Variants in SYNPR observed in about 807,000 individuals in gnomAD.
SYNPR encodes the protein synaptoporin.
SYNPR carries 23 observed loss-of-function variants against 32.9 expected under a neutral mutation model. The observed-to-expected ratio is 0.70, with a 90% CI of 0.50 to 0.99. The LOEUF is 0.99. Ranked by LOEUF, SYNPR falls within the 50% of genes least tolerant of loss-of-function variation. SYNPR has a pLI of 0.00. For synonymous variants in SYNPR, 146 were observed against 135.9 expected (o/e 1.07, Z -0.52); for missense variants, 318 against 349.3 (o/e 0.91, Z 0.71).
intron 2 of SYNPR, among the ~76,000 whole-genome samples, chr3:63,455,818 A>G (rs1700472414): frequency 6.8e-6 from 1 of 147,978 alleles, no homozygotes; most frequent in African/African-American, 2.6e-5. Context: ...GTCAAATGTC[A>G]ACTGCTTTAT....
chr3:63,218,689 A>G, the SYNPR span, among the ~76,000 whole-genome samples: 1 of 152,190 alleles, frequency 6.6e-6, no homozygotes, highest in Admixed American at 6.5e-5. Flanking sequence ...CTGGGATTAC[A>G]GGTGTGTGCC....
At chr3:63,586,095 A>G (rs1703179128) in intron 4 of SYNPR, among the ~76,000 whole-genome samples, 2 of 152,076 alleles carry the variant, frequency 1.3e-5, no homozygotes. Context: ...ATGGTAAAGC[A>G]CAGGATAATT....
At chr3:63,322,319 G>A (rs571859722) in intron 2 of SYNPR, among the ~76,000 whole-genome samples, 2 of 152,214 alleles carry the variant, frequency 1.3e-5, no homozygotes, top group African/African-American at 2.4e-5. Context: ...TGTGGACTAG[G>A]TACTGTGCTA....
intron 3 of SYNPR, among the ~76,000 whole-genome samples, chr3:63,496,390 T>C (rs1361979224): frequency 6.6e-6 from 1 of 152,138 alleles, no homozygotes; most frequent in Non-Finnish European, 1.5e-5. Context: ...TATACTATAA[T>C]TTCTTGTATG....
intron 2 of SYNPR, among the ~76,000 whole-genome samples, chr3:63,428,060 G>C (rs1403913953): frequency 6.6e-6 from 1 of 151,866 alleles, no homozygotes; most frequent in Non-Finnish European, 1.5e-5. Flanking sequence ...CCTTATCTTT[G>C]AACCAACAAT....
At chr3:63,251,996 T>C (rs2086336125) in intron 1 of SYNPR, among the ~76,000 whole-genome samples, 1 of 151,988 alleles carries the variant, frequency 6.6e-6, no homozygotes, top group South Asian at 2.1e-4. Context: ...AGATAGTCTC[T>C]ATCAATTTAA....
rs1247257982 is a variant in SYNPR, at chr3:63,484,803, C to T, written c.209+3847C>T. On this transcript the variant is annotated intron_variant, in intron 3 of 5. Transcript: ENST00000478300. ...TAAAATTTTGTGATTTGAATAAAAACAAGAAGAAAGCAAAGTTCAGACTGT... is the reference window on the plus strand; with the variant it reads ...TAAAATTTTGTGATTTGAATAAAAATAAGAAGAAAGCAAAGTTCAGACTGT... Among the ~76,000 whole-genome samples, 5 of 152,014 alleles carry T rather than the reference C, an allele frequency of 3.3e-5. No individual in the cohort carries two copies. In the East Asian group the frequency reaches 9.6e-4, roughly 29 times the overall value.
rs1320976642 is a variant in SYNPR at position 63,278,658 on chromosome 3, T to G, written c.19-19T>G. On this transcript the variant is annotated intron_variant, in intron 1 of 5. Transcript: ENST00000478300. The stretch of plus-strand genomic sequence containing the variant: ...TTCCTCACGCTTTGCTTTCTCTCTC[T>G]CGCCTCATTCCCCCAAAGCTGGCCT... 1.3e-6 allele frequency: 2 copies of G among 1,551,470 alleles called. No homozygotes were observed. The highest frequency in any genetic ancestry group is 1.7e-6 in the Non-Finnish European group (2 of 1,146,922).
chr3:63,540,430 C>T (rs957924330), intron 3 of SYNPR, among the ~76,000 whole-genome samples: 1 of 151,990 alleles, frequency 6.6e-6, no homozygotes, highest in African/African-American at 2.4e-5. Context: ...AAACAAGGTC[C>T]TCAAAGTTGG....
At chr3:63,253,491 T>C (rs1411399461) in intron 2 of SYNPR, among the ~76,000 whole-genome samples, 1 of 152,242 alleles carries the variant, frequency 6.6e-6, no homozygotes, top group Non-Finnish European at 1.5e-5. Context: ...AACTGATTTA[T>C]AGCAGCATTC....
At chr3:63,237,336 C>T (rs887510689) in intron 1 of SYNPR, among the ~76,000 whole-genome samples, 2 of 151,976 alleles carry the variant, frequency 1.3e-5, no homozygotes, top group African/African-American at 2.4e-5. Context: ...ACTCTACCAC[C>T]GAGGCCAACC....
chr3:63,356,907 G>T (rs984188594), intron 2 of SYNPR, among the ~76,000 whole-genome samples: 1 of 152,188 alleles, frequency 6.6e-6, no homozygotes, highest in Non-Finnish European at 1.5e-5. Context: ...AGTTAAGCAG[G>T]CTGGCTCTAG....
At chr3:63,221,183 T>C in the SYNPR span, among the ~76,000 whole-genome samples, 1 of 152,162 alleles carries the variant, frequency 6.6e-6, no homozygotes, top group Non-Finnish European at 1.5e-5. Context: ...TTTAGTGTTC[T>C]AAGTGGAGGG....
chr3:63,488,449 A>G (rs1701197069), intron 3 of SYNPR, among the ~76,000 whole-genome samples: 1 of 152,200 alleles, frequency 6.6e-6, no homozygotes, highest in Non-Finnish European at 1.5e-5. Flanking sequence ...TCTCTAGCCA[A>G]ATCCAAACTC....
rs114613416 is a variant in SYNPR, at chr3:63,313,162, G to T, written c.84+34420G>T. 6.1e-3 allele frequency among the ~76,000 whole-genome samples: 931 copies of T among 152,094 alleles called. 13 individuals carry two copies. Among genetic ancestry groups the T allele is most frequent in the African/African-American group, 0.02 (836 of 41,524 alleles). ...TTATTGAAAGAATGAATAAATGAAT[G>T]AGTATCTTCCTAACTCAAGTGGCCA... is the stretch of plus-strand genomic sequence containing the variant. On this transcript the variant is annotated intron_variant, in intron 2 of 5. Coordinates refer to ENST00000478300, the MANE Select transcript of SYNPR (RefSeq NM_001130003.2).
chr3:63,355,276 CAA>C (rs34592172), intron 2 of SYNPR, among the ~76,000 whole-genome samples: 26 of 93,752 alleles, frequency 2.8e-4, no homozygotes, highest in African/African-American at 3.0e-4. Context: ...GAGACCCTGT[CAA>C]AAAAAAAAAA....
At chr3:63,473,551 A>G (rs1224482977) in intron 2 of SYNPR, among the ~76,000 whole-genome samples, 1 of 152,256 alleles carries the variant, frequency 6.6e-6, no homozygotes, top group Non-Finnish European at 1.5e-5. Context: ...GCATAAGCAA[A>G]GGATTAAATA....
intron 4 of SYNPR, among the ~76,000 whole-genome samples, chr3:63,589,202 T>C (rs1703259660): frequency 6.6e-6 from 1 of 152,066 alleles, no homozygotes; most frequent in Non-Finnish European, 1.5e-5. Context: ...CCTAAAAAGA[T>C]CCTGGATGCA....
chr3:63,485,766 G>A (rs1394292875), intron 3 of SYNPR, among the ~76,000 whole-genome samples: 1 of 151,996 alleles, frequency 6.6e-6, no homozygotes, highest in Non-Finnish European at 1.5e-5. Flanking sequence ...GACCTTGGTT[G>A]AACAAATAAC....
Sources: gnomAD v4.1 joint callset for allele counts (sites outside exome capture counted in the v4.1 genomes callset) on GRCh38, gnomAD v4.1.1 for gene constraint, MANE v1.5 for transcripts, NCBI Gene and HGNC (gene_info 2026-07-23, HGNC 2026-07-21) for gene names.